COPA: variants seen among roughly 807,000 people sequenced by gnomAD.
COPA encodes the protein coat protein complex I subunit alpha, also known as coatomer subunit alpha.
A neutral mutation model predicts 158.7 loss-of-function variants in COPA; 10 were observed. The observed-to-expected ratio is 0.06, with a 90% confidence interval of 0.04 to 0.11. The LOEUF is 0.11. COPA is among the 10% of genes least tolerant of loss of function. The probability of loss-of-function intolerance (pLI) is 1.00; values close to 1 mark genes in which losing one functional copy is unlikely to be tolerated. For synonymous variants in COPA, 462 were observed against 542.8 expected (o/e 0.85, Z 2.07); for missense variants, 1,065 against 1,536.7 (o/e 0.69, Z 5.13).
Position 160,290,058 on chromosome 1 carries a change from G to T in COPA, c.*99C>A. 2 of 1,099,856 alleles carry T rather than the reference G, an allele frequency of 1.8e-6. No homozygotes were observed. Among genetic ancestry groups the T allele is most frequent in the Non-Finnish European group, 2.7e-6 (2 of 728,886 alleles). 68.1% of individuals were successfully genotyped at this position (1,099,856 alleles called of 1,614,324 possible). ...TTTTAGGGTACAGAGAGCCAGATCTGAAGAGTAGCTGCAGGGGGAAGGTGC... is the reference window on the plus strand; with the variant it reads ...TTTTAGGGTACAGAGAGCCAGATCTTAAGAGTAGCTGCAGGGGGAAGGTGC... On this transcript the variant is annotated 3_prime_UTR_variant, in exon 33 of 33. Transcript: ENST00000241704.
At chr1:160,292,408 CTA>C in intron 28 of COPA, 74 bp downstream of exon 28, 1 of 1,603,498 alleles carries the variant, frequency 6.2e-7, no homozygotes, top group South Asian at 1.1e-5. Flanking sequence ...AGAATTCTGA[CTA>C]TGTCACTGAG....
intron 6 of COPA, among the ~76,000 whole-genome samples, chr1:160,326,986 G>T (rs896566100): frequency 2.0e-5 from 3 of 152,214 alleles, no homozygotes; most frequent in African/African-American, 7.2e-5. Flanking sequence ...TGATAGCACT[G>T]CTACTATCTC....
intron 12 of COPA, among the ~76,000 whole-genome samples, 161 bp downstream of exon 12, chr1:160,310,031 C>G (rs1251819818): frequency 2.6e-5 from 4 of 152,172 alleles, no homozygotes; most frequent in African/African-American, 9.7e-5. Context: ...TTTACGACAA[C>G]TGAAACCTAC....
intron 17 of COPA, among the ~76,000 whole-genome samples, chr1:160,301,577 A>G (rs1480477099): frequency 2.0e-5 from 3 of 152,086 alleles, no homozygotes; most frequent in Non-Finnish European, 2.9e-5. Context: ...GTTCAAGACC[A>G]GCCTGAGCAA....
intron 6 of COPA, among the ~76,000 whole-genome samples, chr1:160,325,864 A>G (rs1659474989): frequency 6.6e-6 from 1 of 152,220 alleles, no homozygotes; most frequent in Non-Finnish European, 1.5e-5. Context: ...CTTAACACTT[A>G]AACAGATCCA....
At chr1:160,331,267 A>G (rs1647498136) in intron 6 of COPA, among the ~76,000 whole-genome samples, 2 of 152,150 alleles carry the variant, frequency 1.3e-5, no homozygotes, top group Admixed American at 1.3e-4. Flanking sequence ...CCTTGTCTCA[A>G]AATAAAGATA....
rs749016135 is a variant in COPA at position 160,339,970 on chromosome 1, C to T, written c.167G>A (p.Gly56Asp). The T allele has an allele frequency of 4.3e-6, 7 of 1,614,108 alleles. No individual in the cohort carries two copies. Among genetic ancestry groups the T allele is most frequent in the Non-Finnish European group, 5.9e-6 (7 of 1,179,976 alleles). Residue 56 changes from glycine (G) to aspartate (D), a missense_variant, in exon 3 of 33, where the codon GGC becomes GAC. Physicochemically the swap from Gly to Asp is moderately conservative, Grantham distance 94. Transcript: ENST00000241704. ...KFDEHDGPVRGIDFHKQQPLF... is the reference protein window; with the variant it reads ...KFDEHDGPVRDIDFHKQQPLF... ...TGGCTGCTGCTTATGGAAGTCAATG[C>T]CTCGCACTGGACCTGGTGGAGAAGG...
intron 7 of COPA, among the ~76,000 whole-genome samples, 186 bp downstream of exon 7, chr1:160,325,357 A>C (rs1347775820): frequency 1.3e-5 from 2 of 152,200 alleles, no homozygotes; most frequent in East Asian, 3.8e-4. Flanking sequence ...ACTCTCCCTC[A>C]GGTGGCACAT....
At chr1:160,335,142 A>G in intron 4 of COPA, 100 bp downstream of exon 4, 1 of 1,101,334 alleles carries the variant, frequency 9.1e-7, no homozygotes, top group Non-Finnish European at 1.3e-6. Flanking sequence ...CCACTCCAAA[A>G]ACAACTCTAT....
intron 5 of COPA, 67 bp downstream of exon 5, chr1:160,333,536 G>T: frequency 2.7e-6 from 3 of 1,125,076 alleles, no homozygotes; most frequent in South Asian, 1.3e-5. Context: ...ATTGTTCTAA[G>T]AGAAGCTCAT....
chr1:160,319,451 C>A (rs533754491), intron 8 of COPA, among the ~76,000 whole-genome samples: 4 of 150,242 alleles, frequency 2.7e-5, no homozygotes, highest in Non-Finnish European at 5.9e-5. Flanking sequence ...AGAGCTAATA[C>A]CCCACTCTCA....
chr1:160,324,153 G>A (rs1306895201), intron 7 of COPA, among the ~76,000 whole-genome samples: 1 of 151,846 alleles, frequency 6.6e-6, no homozygotes, highest in East Asian at 1.9e-4. Flanking sequence ...GAGCCACTGC[G>A]CCCGCCCGAA....
rs2101837831 is a variant in COPA at position 160,306,550 on chromosome 1, C to T, written c.1303-57G>A. On this transcript the variant is annotated intron_variant, in intron 14 of 32. Transcript: ENST00000241704. The stretch of plus-strand genomic sequence containing the variant: ...AAGAAATGTGTATAGATGATGATGA[C>T]AACTGATGATGTTCCTCAGCAATTG... 42 of 1,598,038 alleles carry T rather than the reference C, an allele frequency of 2.6e-5. No homozygotes were observed. The South Asian group carries it at 4.2e-4, about 16-fold the overall frequency.
Position 160,297,598 on chromosome 1 carries a change from T to C in COPA, c.2125A>G (p.Ile709Val). 1 of 1,614,198 alleles carries C rather than the reference T, an allele frequency of 6.2e-7. No homozygotes were observed. The highest frequency in any genetic ancestry group is 8.5e-7 in the Non-Finnish European group (1 of 1,180,020). ...NFDKLSFLYL[I>V]TGNLEKLRKM... ...CGAAGTTTTTCTAAGTTGCCAGTGA[T>C]AAGATACAGGAAGGAAAGTTTGTCA... Residue 709 changes from isoleucine to valine, a missense_variant, in exon 20 of 33, where the codon ATC (isoleucine) becomes GTC (valine). Ile to Val is a conservative substitution (Grantham distance 29). Coordinates refer to ENST00000241704, the MANE Select transcript of COPA (RefSeq NM_004371.4).
Position 160,291,401 on chromosome 1 carries a change from G to A in COPA, c.3354C>T (p.Phe1118=). 1 of 1,614,112 alleles carries A rather than the reference G, an allele frequency of 6.2e-7. No homozygotes were observed. ...GCCGAGCAAAGGTGGCAGCTGTCTTGAAGTTCTTGAGCTTGAAGAACAGAT... is the reference window on the plus strand; with the variant it reads ...GCCGAGCAAAGGTGGCAGCTGTCTTAAAGTTCTTGAGCTTGAAGAACAGAT... ...ALNLFFKLKN[F]KTAATFARRL... is the part of the protein sequence containing the mutation. The change falls in exon 31 of 33, where the codon TTC becomes TTT. Residue 1118 remains phenylalanine, a synonymous_variant. Transcript: ENST00000241704.
In COPA at chr1:160,336,898, T is replaced by A. The variant is rs1282084613; in HGVS notation, c.229-1576A>T. Among the ~76,000 whole-genome samples the A allele has an allele frequency of 4.3e-5, 6 of 140,438 alleles. No individual in the cohort carries two copies. In the East Asian group the frequency reaches 1.2e-3, roughly 28 times the overall value. The allele number at this position is 140,438 out of a possible 152,430, so 92.1% of individuals were successfully genotyped here. A position where few individuals can be genotyped will look rare whatever the true frequency, so the allele number is the denominator to read the frequency against. ...TCCTTAAAGGCAGGGTTCTTGTCCA[T>A]CATGCTCAACACTATACCCTTACCA... On this transcript the variant is annotated intron_variant, in intron 3 of 32. Coordinates refer to ENST00000241704, the MANE Select transcript of COPA (RefSeq NM_004371.4).
chr1:160,339,630 T>C (rs1290844907), intron 3 of COPA: 3 of 342,234 alleles, frequency 8.8e-6, no homozygotes, highest in Non-Finnish European at 1.6e-5. Context: ...AAACTGTACA[T>C]GCTATTACTT....
chr1:160,318,330 C>T (rs1177804577), intron 8 of COPA, among the ~76,000 whole-genome samples: 1 of 151,468 alleles, frequency 6.6e-6, no homozygotes, highest in Non-Finnish European at 1.5e-5. Context: ...TTTTCATTAG[C>T]AATTAATAAA....
chr1:160,299,463 TA>T (rs1170406437), intron 17 of COPA, among the ~76,000 whole-genome samples, 199 bp from the exon 18 acceptor site: 7 of 152,214 alleles, frequency 4.6e-5, no homozygotes, highest in Non-Finnish European at 1.0e-4. Context: ...ACGATCTTTA[TA>T]TGCTATTATC....
Sources: allele counts gnomAD v4.1 joint callset (sites outside exome capture counted in the v4.1 genomes callset), GRCh38; gene constraint gnomAD v4.1.1; transcripts MANE v1.5; gene names NCBI Gene and HGNC (gene_info 2026-07-23, HGNC 2026-07-21).